VRK2: variants seen among roughly 807,000 people sequenced by gnomAD.
VRK2 encodes the protein VRK serine/threonine kinase 2, also known as serine/threonine-protein kinase VRK2.
In VRK2, 60 loss-of-function variants were observed where a neutral mutation model predicts 57.6. The ratio of observed to expected loss-of-function variants is 1.04; its 90% CI spans 0.85 to 1.29. The LOEUF (loss-of-function observed/expected upper bound fraction) is 1.29, where lower values mean the gene tolerates loss of function less well. Ranked by LOEUF, VRK2 falls within the 50% of genes most tolerant of loss-of-function variation. The pLI is 0.00. For missense variants in VRK2, 705 were observed against 588.1 expected (o/e 1.20, Z -2.06); for synonymous variants, 231 against 199.2 (o/e 1.16, Z -1.35).
chr2:57,975,770 T>C (rs954564791), intron 1 of VRK2, among the ~76,000 whole-genome samples: 1 of 151,786 alleles, frequency 6.6e-6, no homozygotes, highest in Non-Finnish European at 1.5e-5. Context: ...TTTTTTTTTT[T>C]ACTTTTATTT....
intron 6 of VRK2, 137 bp downstream of exon 6, chr2:58,088,583 A>G (rs1231548859): frequency 5.6e-6 from 4 of 717,636 alleles, no homozygotes; most frequent in Admixed American, 2.8e-5. Context: ...AGTAGAGGCT[A>G]TTTTGGTGAA....
At chr2:57,967,306 T>C (rs965377677) in intron 1 of VRK2, among the ~76,000 whole-genome samples, 1 of 152,048 alleles carries the variant, frequency 6.6e-6, no homozygotes, top group East Asian at 1.9e-4. Context: ...CAAACCACCA[T>C]GGTACATGTA....
chr2:58,150,378 AT>A (rs1428503274), intron 12 of VRK2, among the ~76,000 whole-genome samples: 1 of 151,234 alleles, frequency 6.6e-6, no homozygotes, highest in East Asian at 1.9e-4. Flanking sequence ...AAGTTTTCAA[AT>A]TTATCAGCAC....
At chr2:58,113,161 T>C (rs1675825087) in intron 7 of VRK2, among the ~76,000 whole-genome samples, 1 of 151,760 alleles carries the variant, frequency 6.6e-6, no homozygotes, top group Non-Finnish European at 1.5e-5. Context: ...ATACAAAAAT[T>C]AGCTGGGCGT....
intron 12 of VRK2, among the ~76,000 whole-genome samples, chr2:58,158,811 C>T (rs574979506): frequency 2.0e-5 from 3 of 152,198 alleles, no homozygotes; most frequent in East Asian, 1.9e-4. Flanking sequence ...AATATCTATT[C>T]GGTCTATACT....
intron 12 of VRK2, chr2:58,154,669 C>G: frequency 2.8e-6 from 2 of 709,200 alleles, no homozygotes; most frequent in South Asian, 3.0e-5. Context: ...TTAAAGGGGT[C>G]TTTAAATTTT....
rs75070384 is a variant in VRK2 at position 58,099,293 on chromosome 2, T to C, written c.543+9570T>C. Among the ~76,000 whole-genome samples, 85 of 152,182 alleles carry C rather than the reference T, an allele frequency of 5.6e-4. No individual in the cohort carries two copies. In the East Asian group the frequency reaches 0.016, roughly 28 times the overall value. On this transcript the variant is annotated intron_variant, in intron 7 of 12. Coordinates refer to ENST00000340157, the MANE Select transcript of VRK2 (RefSeq NM_006296.7). ...TTCATGCAACAGTTTATATGAAGCC[T>C]TTCTTAATGATTCTAGTCTATACTG...
At chr2:57,979,441 G>C (rs991915066) in intron 1 of VRK2, among the ~76,000 whole-genome samples, 1 of 151,050 alleles carries the variant, frequency 6.6e-6, no homozygotes, top group Non-Finnish European at 1.5e-5. Flanking sequence ...GGTTCAATTT[G>C]ATATTATTTT....
intron 1 of VRK2, among the ~76,000 whole-genome samples, chr2:58,012,527 T>C (rs1330236586): frequency 2.0e-5 from 3 of 152,244 alleles, no homozygotes; most frequent in South Asian, 2.1e-4. Flanking sequence ...TCATTGGCAA[T>C]TGAACTCAAT....
intron 1 of VRK2, among the ~76,000 whole-genome samples, chr2:58,019,185 A>G (rs1026840368): frequency 1.3e-5 from 2 of 152,224 alleles, no homozygotes; most frequent in Non-Finnish European, 2.9e-5. Flanking sequence ...GAATAATGTG[A>G]CCACGTTAAA....
intron 7 of VRK2, among the ~76,000 whole-genome samples, chr2:58,102,978 C>T (rs914309558): frequency 3.3e-5 from 5 of 151,604 alleles, no homozygotes; most frequent in African/African-American, 1.2e-4. Flanking sequence ...ACACATTCCT[C>T]GCTGATCTTT....
chr2:58,106,749 AAC>A (rs1403518188), intron 7 of VRK2, among the ~76,000 whole-genome samples: 1 of 150,894 alleles, frequency 6.6e-6, no homozygotes, highest in Non-Finnish European at 1.5e-5. Flanking sequence ...CTTCCATCAA[AAC>A]AGAAACTGCT....
At chr2:57,992,539 T>C (rs982669850) in intron 1 of VRK2, among the ~76,000 whole-genome samples, 7 of 152,112 alleles carry the variant, frequency 4.6e-5, no homozygotes, top group Non-Finnish European at 7.4e-5. Context: ...GTTGTTTCTT[T>C]TTTTTTTTGA....
At chr2:58,151,854 T>C (rs1683133256) in intron 12 of VRK2, among the ~76,000 whole-genome samples, 1 of 149,396 alleles carries the variant, frequency 6.7e-6, no homozygotes, top group South Asian at 2.1e-4. Flanking sequence ...AATAGTTTTA[T>C]TGGAACATAG....
chr2:57,967,478 G>T (rs1671960061), intron 1 of VRK2, among the ~76,000 whole-genome samples: 1 of 151,860 alleles, frequency 6.6e-6, no homozygotes, highest in African/African-American at 2.4e-5. Context: ...TTAACATTCA[G>T]TACTAATTTA....
At chr2:58,137,086 ATG>A (rs1305316004) in intron 10 of VRK2, among the ~76,000 whole-genome samples, 1 of 121,586 alleles carries the variant, frequency 8.2e-6, no homozygotes, top group Non-Finnish European at 1.6e-5. Context: ...TAACATATAT[ATG>A]TGTATATATC....
chr2:57,926,439 ATG>A (rs142768773), intron 1 of VRK2, among the ~76,000 whole-genome samples: 2,537 of 145,634 alleles, frequency 0.017, 36 homozygotes, highest in Non-Finnish European at 0.021. Flanking sequence ...ACATATATAT[ATG>A]TGTGTGTGTG....
At chr2:58,148,647 G>A (rs1682529296) in intron 12 of VRK2, among the ~76,000 whole-genome samples, 1 of 151,702 alleles carries the variant, frequency 6.6e-6, no homozygotes, top group Non-Finnish European at 1.5e-5. Context: ...CAAGGCTCAT[G>A]GTTTTAGCTT....
At chr2:57,909,736 T>C (rs1669929436) in intron 1 of VRK2, among the ~76,000 whole-genome samples, 1 of 152,222 alleles carries the variant, frequency 6.6e-6, no homozygotes. Context: ...TAATAATTTG[T>C]TTAATAAATT....
Sources: allele counts gnomAD v4.1 joint callset (sites outside exome capture counted in the v4.1 genomes callset), GRCh38; gene constraint gnomAD v4.1.1; transcripts MANE v1.5; gene names NCBI Gene and HGNC (gene_info 2026-07-23, HGNC 2026-07-21).